The following KHDRBS2 variants were observed in gnomAD, a reference collection of about 807,000 sequenced individuals.
KHDRBS2 encodes KH domain-containing, RNA-binding, signal transduction-associated protein 2.
A neutral mutation model predicts 44.3 loss-of-function variants in KHDRBS2; 26 were observed. The observed-to-expected ratio is 0.59, with a 90% CI of 0.43 to 0.81. The LOEUF (loss-of-function observed/expected upper bound fraction) is 0.81, where lower values mean the gene tolerates loss of function less well. KHDRBS2 is among the 40% of genes least tolerant of loss of function. The pLI is 0.00. For missense variants in KHDRBS2, 476 were observed against 433.1 expected (o/e 1.10, Z -0.88); for synonymous variants, 194 against 151.1 (o/e 1.28, Z -2.08).
chr6:62,224,808 T>C (rs1483226571), intron 1 of KHDRBS2, among the ~76,000 whole-genome samples: 1 of 152,220 alleles, frequency 6.6e-6, no homozygotes, highest in Non-Finnish European at 1.5e-5. Flanking sequence ...GGTGAATATC[T>C]GAGTCATACT....
At chr6:62,098,543 T>C (rs1431202854) in intron 2 of KHDRBS2, among the ~76,000 whole-genome samples, 1 of 152,194 alleles carries the variant, frequency 6.6e-6, no homozygotes. Flanking sequence ...ATTAAATATT[T>C]GCTTCTTTTC....
chr6:61,755,799 CAA>C (rs34625585), intron 6 of KHDRBS2, among the ~76,000 whole-genome samples: 16 of 106,214 alleles, frequency 1.5e-4, no homozygotes, highest in African/African-American at 1.7e-4. Context: ...GACTCTGTCT[CAA>C]AAAAAAAAAA....
chr6:61,678,660 C>G (rs1766078624), downstream of KHDRBS2, among the ~76,000 whole-genome samples: 2 of 152,062 alleles, frequency 1.3e-5, no homozygotes, highest in South Asian at 4.1e-4. Flanking sequence ...ATTCACTTGA[C>G]AAGCTTCTGA....
At chr6:61,820,929 C>A (rs111307907) in intron 6 of KHDRBS2, among the ~76,000 whole-genome samples, 198 of 152,110 alleles carry the variant, frequency 1.3e-3, no homozygotes, top group South Asian at 3.9e-3. Flanking sequence ...GGCACCCTTT[C>A]CTTTTATGTT....
chr6:61,966,787 T>C (rs1213459542), intron 4 of KHDRBS2, among the ~76,000 whole-genome samples: 2 of 152,014 alleles, frequency 1.3e-5, no homozygotes, highest in African/African-American at 4.8e-5. Context: ...CAGGTTAGCT[T>C]CCTGGCTCAG....
At chr6:61,681,091 CAT>C (rs1561963101) in intron 8 of KHDRBS2, 31 bp from the exon 9 acceptor site, 1 of 1,435,832 alleles carries the variant, frequency 7.0e-7, no homozygotes, top group Admixed American at 1.7e-5. Flanking sequence ...GTAACACACA[CAT>C]GACTTCACAG....
At chr6:62,084,550 G>A (rs1487693285) in intron 2 of KHDRBS2, among the ~76,000 whole-genome samples, 1 of 151,958 alleles carries the variant, frequency 6.6e-6, no homozygotes, top group East Asian at 1.9e-4. Context: ...AGAATTCAGA[G>A]TTTGAGTCTG....
intron 6 of KHDRBS2, among the ~76,000 whole-genome samples, chr6:61,887,107 G>A (rs1407186694): frequency 6.9e-6 from 1 of 145,490 alleles, no homozygotes; most frequent in Non-Finnish European, 1.5e-5. Context: ...GTATCAGATA[G>A]AGAATTTGTA....
At chr6:61,786,058 C>T (rs1010591002) in intron 6 of KHDRBS2, among the ~76,000 whole-genome samples, 4 of 152,060 alleles carry the variant, frequency 2.6e-5, no homozygotes, top group Non-Finnish European at 5.9e-5. Context: ...CACACACACA[C>T]ACATAGTTCC....
At chr6:61,654,721 T>A in the KHDRBS2 span, among the ~76,000 whole-genome samples, 10 of 151,272 alleles carry the variant, frequency 6.6e-5, no homozygotes, top group Non-Finnish European at 1.5e-4. Context: ...CAGGAGCAAG[T>A]CGTAACTAAC....
chr6:62,157,780 T>C (rs1816781144), intron 2 of KHDRBS2, among the ~76,000 whole-genome samples: 1 of 152,122 alleles, frequency 6.6e-6, no homozygotes, highest in Non-Finnish European at 1.5e-5. Flanking sequence ...TAAAGAGAAA[T>C]AATGTTTTAA....
chr6:62,016,787 A>T (rs1459271290), intron 3 of KHDRBS2, among the ~76,000 whole-genome samples: 1 of 151,952 alleles, frequency 6.6e-6, no homozygotes, highest in Non-Finnish European at 1.5e-5. Flanking sequence ...TGCTGGTCAT[A>T]AACAGTGGCC....
chr6:61,579,774 C>G, the KHDRBS2 span, among the ~76,000 whole-genome samples: 1 of 152,016 alleles, frequency 6.6e-6, no homozygotes, highest in Non-Finnish European at 1.5e-5. Context: ...ATGTGAAAGG[C>G]AGGCTGGGTG....
chr6:61,597,993 G>C, the KHDRBS2 span, among the ~76,000 whole-genome samples: 1 of 149,010 alleles, frequency 6.7e-6, no homozygotes, highest in African/African-American at 2.4e-5. Context: ...AAATATCTAA[G>C]GAGCAAATAT....
intron 6 of KHDRBS2, among the ~76,000 whole-genome samples, chr6:61,783,629 G>A (rs970346878): frequency 2.0e-5 from 3 of 151,866 alleles, no homozygotes; most frequent in Non-Finnish European, 4.4e-5. Context: ...AAATCAAATC[G>A]ATTTTCTTGC....
At chr6:62,274,998 G>A (rs549308716) in intron 1 of KHDRBS2, among the ~76,000 whole-genome samples, 298 of 124,982 alleles carry the variant, frequency 2.4e-3, no homozygotes, top group Middle Eastern at 0.012. Flanking sequence ...TACATATATC[G>A]CTCATCAAAT....
chr6:61,824,092 G>A (rs996830685), intron 6 of KHDRBS2, among the ~76,000 whole-genome samples: 3 of 152,102 alleles, frequency 2.0e-5, no homozygotes, highest in African/African-American at 7.2e-5. Context: ...TATTGTCAGA[G>A]CACTAAGCAG....
intron 2 of KHDRBS2, among the ~76,000 whole-genome samples, chr6:62,068,533 T>C (rs967188068): frequency 3.3e-5 from 5 of 151,582 alleles, no homozygotes; most frequent in African/African-American, 4.8e-5. Flanking sequence ...AACTTTTTTT[T>C]ATTTTGTTGC....
In KHDRBS2 at chr6:61,704,836, T is replaced by C. The variant is rs115460514; in HGVS notation, c.894-7583A>G. Among the ~76,000 whole-genome samples the C allele has an allele frequency of 2.7e-3, 408 of 151,992 alleles. 3 individuals are homozygous for C. Among genetic ancestry groups the C allele is most frequent in the African/African-American group, 9.5e-3 (394 of 41,518 alleles). The stretch of plus-strand genomic sequence containing the variant: ...TAGTATGAATAATTTTCACAATTGA[T>C]CTCTGCTTTGTGTTTTTACACCTAT... On this transcript the variant is annotated intron_variant, in intron 7 of 8. Transcript: ENST00000281156.
Sources: allele counts gnomAD v4.1 joint callset (sites outside exome capture counted in the v4.1 genomes callset), GRCh38; gene constraint gnomAD v4.1.1; transcripts MANE v1.5; gene names NCBI Gene and HGNC (gene_info 2026-07-23, HGNC 2026-07-21).